MID1: variants seen among roughly 807,000 people sequenced by gnomAD.
The protein encoded by MID1 is midline 1, also known as E3 ubiquitin-protein ligase Midline-1.
Under a neutral mutation model 40.4 loss-of-function variants are expected in MID1, and 7 were observed. The ratio of observed to expected loss-of-function variants is 0.17; its 90% confidence interval spans 0.10 to 0.33. The LOEUF is 0.33. Among genes scored for constraint, MID1 ranks in the 10% least tolerant of loss-of-function variants. The pLI is 1.00. For synonymous variants in MID1, 229 were observed against 221.2 expected (o/e 1.04, Z -0.31); for missense variants, 367 against 558.5 (o/e 0.66, Z 3.46).
chrX:10,756,834 G>A (rs2043635929), intron 1 of MID1, among the ~76,000 whole-genome samples: 1 of 112,073 alleles, frequency 8.9e-6, no homozygotes, highest in Admixed American at 9.5e-5. Flanking sequence ...AAAATGACAA[G>A]TGTGCAGAAT....
At chrX:10,793,371 C>T (rs1204956543) in intron 1 of MID1, among the ~76,000 whole-genome samples, 2 of 112,436 alleles carry the variant, frequency 1.8e-5, no homozygotes, top group African/African-American at 3.2e-5. Flanking sequence ...CTGATCTCAG[C>T]GATCTCACGT....
chrX:10,464,175 C>G (rs1266704614), intron 7 of MID1, among the ~76,000 whole-genome samples: 1 of 112,131 alleles, frequency 8.9e-6, no homozygotes, highest in East Asian at 2.8e-4. Flanking sequence ...CAACTGGTTT[C>G]TGGGAACAAA....
intron 1 of MID1, among the ~76,000 whole-genome samples, chrX:10,765,942 GGAAAGAAAGAAAGAAAGAAAGAAAGAAA>G (rs201959862): frequency 2.6e-3 from 167 of 65,413 alleles, no homozygotes; most frequent in Non-Finnish European, 4.0e-3. Context: ...GGAAAGGAAA[GGAAAGAAAGAAAGAAAGAAAGAAAGAAA>G]GAAAGAAAGA....
At chrX:10,698,084 G>A (rs755893360) in intron 1 of MID1, among the ~76,000 whole-genome samples, 3 of 112,204 alleles carry the variant, frequency 2.7e-5, no homozygotes, top group Non-Finnish European at 3.8e-5. Context: ...CTTTAATTGC[G>A]TGTTTCTAAA....
chrX:10,781,052 C>T (rs1237212113), intron 1 of MID1, among the ~76,000 whole-genome samples: 1 of 111,273 alleles, frequency 9.0e-6, no homozygotes, highest in Non-Finnish European at 1.9e-5. Flanking sequence ...GGTTGGGGAC[C>T]CCTGGTTTAC....
At chrX:10,612,720 T>C (rs180895496) in intron 1 of MID1, among the ~76,000 whole-genome samples, 2 of 112,340 alleles carry the variant, frequency 1.8e-5, no homozygotes, top group African/African-American at 3.2e-5. Flanking sequence ...TCCATTCAAA[T>C]TGCCTTGGAA....
intron 1 of MID1, among the ~76,000 whole-genome samples, chrX:10,618,661 C>G (rs761579040): frequency 4.5e-5 from 5 of 111,446 alleles, no homozygotes; most frequent in African/African-American, 1.6e-4. Context: ...TCCAACTTCA[C>G]GTAAATGCCA....
chrX:10,733,162 G>A (rs981245221), intron 1 of MID1, among the ~76,000 whole-genome samples: 2 of 111,390 alleles, frequency 1.8e-5, no homozygotes, highest in African/African-American at 6.5e-5. Flanking sequence ...GCGCCCGGCC[G>A]GTAAGTTGAT....
chrX:10,547,037 T>C (rs1933707966), intron 2 of MID1, among the ~76,000 whole-genome samples: 1 of 112,272 alleles, frequency 8.9e-6, no homozygotes, highest in South Asian at 3.7e-4. Flanking sequence ...ACGCCTATAA[T>C]CCCAGCACTT....
intron 1 of MID1, among the ~76,000 whole-genome samples, chrX:10,817,426 G>C (rs1307435754): frequency 9.0e-6 from 1 of 111,150 alleles, no homozygotes; most frequent in African/African-American, 3.3e-5. Context: ...CTTCAGCAAT[G>C]AAGTAGGAGT....
chrX:10,778,066 T>C (rs2043818940), intron 1 of MID1, among the ~76,000 whole-genome samples: 1 of 111,846 alleles, frequency 8.9e-6, no homozygotes, highest in Admixed American at 9.5e-5. Context: ...AGAAGGTGTA[T>C]ACTTTAAAAT....
chrX:10,777,419 G>C (rs1044983487), intron 1 of MID1, among the ~76,000 whole-genome samples: 1 of 109,448 alleles, frequency 9.1e-6, no homozygotes, highest in African/African-American at 3.3e-5. Flanking sequence ...GGATGGTCTC[G>C]ATCTCCTGAC....
intron 1 of MID1, among the ~76,000 whole-genome samples, chrX:10,704,721 T>TATATATATATATATAC (rs1555916215): frequency 2.6e-5 from 2 of 77,879 alleles, no homozygotes; most frequent in African/African-American, 1.3e-4. Flanking sequence ...TGTGTGTATA[T>TATATATATATATATAC]ATATATATAT....
intron 1 of MID1, among the ~76,000 whole-genome samples, chrX:10,671,117 C>G (rs183097420): frequency 1.8e-5 from 2 of 112,053 alleles, no homozygotes; most frequent in Non-Finnish European, 3.8e-5. Context: ...GAATGTGCCT[C>G]AGAAAAATTC....
chrX:10,543,711 T>G (rs1041609791), intron 2 of MID1, among the ~76,000 whole-genome samples: 1 of 110,754 alleles, frequency 9.0e-6, no homozygotes, highest in Non-Finnish European at 1.9e-5. Flanking sequence ...GGCGTGGTGG[T>G]GTGCATCTGT....
At chrX:10,533,391 A>AAAAAGAAAGAAAGAAAAG (rs1933091894) in intron 2 of MID1, among the ~76,000 whole-genome samples, 14 of 55,077 alleles carry the variant, frequency 2.5e-4, no homozygotes, top group East Asian at 7.7e-4. Context: ...AGAAAGAAAG[A>AAAAAGAAAGAAAGAAAAG]AAAGAAAGAA....
At chrX:10,476,066 C>T (rs905203698) in intron 5 of MID1, among the ~76,000 whole-genome samples, 1 of 111,249 alleles carries the variant, frequency 9.0e-6, no homozygotes, top group Admixed American at 9.6e-5. Context: ...ACACACGCTA[C>T]GATGTGGATA....
intron 1 of MID1, among the ~76,000 whole-genome samples, chrX:10,811,177 G>A (rs1174522168): frequency 1.8e-5 from 2 of 111,866 alleles, no homozygotes; most frequent in Non-Finnish European, 3.8e-5. Context: ...CAGCATCTGA[G>A]ATGTATTTGT....
At chrX:10,547,572 CAAAAA>C (rs1171938473) in intron 2 of MID1, among the ~76,000 whole-genome samples, 130 of 14,566 alleles carry the variant, frequency 8.9e-3, no homozygotes, top group Middle Eastern at 0.043. Context: ...GACTCTGTCT[CAAAAA>C]AAAAAAAAAA....
Sources: allele counts gnomAD v4.1 joint callset (sites outside exome capture counted in the v4.1 genomes callset), GRCh38; gene constraint gnomAD v4.1.1; transcripts MANE v1.5; gene names NCBI Gene and HGNC (gene_info 2026-07-23, HGNC 2026-07-21).